The following PACRG variants were observed in gnomAD, a reference collection of about 807,000 sequenced individuals.
PACRG encodes parkin coregulated gene protein.
Under a neutral mutation model 29.7 loss-of-function variants are expected in PACRG, and 29 were observed. The ratio of observed to expected loss-of-function variants is 0.98; its 90% CI spans 0.73 to 1.33. The LOEUF (loss-of-function observed/expected upper bound fraction) is 1.33, where lower values mean the gene tolerates loss of function less well. PACRG is among the 40% of genes most tolerant of loss of function. The pLI is 0.00. For synonymous variants in PACRG, 116 were observed against 118.7 expected, an observed-to-expected ratio of 0.98 and a Z score of 0.15; for missense variants, 279 against 316.2, an observed-to-expected ratio of 0.88 and a Z score of 0.89.
intron 4 of PACRG, among the ~76,000 whole-genome samples, chr6:163,121,041 T>C (rs192631161): frequency 1.3e-5 from 2 of 152,330 alleles, no homozygotes; most frequent in African/African-American, 2.4e-5. Flanking sequence ...CCATTTTCTA[T>C]GGTCAAAGTC....
In PACRG at chr6:162,812,273, A is replaced by G. The variant is rs959041484; in HGVS notation, c.157-1874A>G. On this transcript the variant is annotated intron_variant, in intron 1 of 4. Transcript: ENST00000366888. The stretch of plus-strand genomic sequence containing the variant: ...TCTGTGTGTTATTTCTTACAACTGC[A>G]TATGGATCTATGATTATCTTAACAA... Among the ~76,000 whole-genome samples, 9 of 152,268 alleles carry G rather than the reference A, an allele frequency of 5.9e-5. No individual in the cohort carries two copies. In the East Asian group the frequency reaches 1.7e-3, roughly 29 times the overall value.
At chr6:163,122,490 G>C (rs1026266644) in intron 4 of PACRG, among the ~76,000 whole-genome samples, 6 of 152,152 alleles carry the variant, frequency 3.9e-5, no homozygotes, top group Admixed American at 3.9e-4. Context: ...TAATGGGTGA[G>C]TTCTCACCCT....
intron 2 of PACRG, among the ~76,000 whole-genome samples, chr6:162,912,778 G>T (rs1796395053): frequency 6.6e-6 from 1 of 151,400 alleles, no homozygotes; most frequent in South Asian, 2.1e-4. Flanking sequence ...CACAATGTTG[G>T]CCGGGATGCT....
chr6:162,905,741 G>A (rs1795889787), intron 2 of PACRG, among the ~76,000 whole-genome samples: 1 of 152,154 alleles, frequency 6.6e-6, no homozygotes, highest in Non-Finnish European at 1.5e-5. Context: ...TTGAGCTGTG[G>A]TGGATTGGTG....
chr6:163,180,338 C>A (rs1473206177), intron 4 of PACRG, among the ~76,000 whole-genome samples: 1 of 152,194 alleles, frequency 6.6e-6, no homozygotes, highest in Non-Finnish European at 1.5e-5. Context: ...TATCACGAAG[C>A]CTTCACAAGA....
intron 1 of PACRG, among the ~76,000 whole-genome samples, chr6:162,806,281 T>C (rs1362264097): frequency 6.6e-6 from 1 of 152,006 alleles, no homozygotes; most frequent in Admixed American, 6.6e-5. Context: ...GCTAATTTTG[T>C]ATTTTTAGTA....
Position 162,959,751 on chromosome 6 carries a change from G to A in PACRG, c.292-102399G>A, listed in dbSNP as rs566046479. 2.6e-5 allele frequency among the ~76,000 whole-genome samples: 4 copies of A among 152,236 alleles called. 1 individual carries two copies. The South Asian group carries it at 8.3e-4, about 32-fold the overall frequency. ...TCCAGGAGAGAGATGGTTCTGGCTT[G>A]GACCAAGGTGCAGATGGTACAGATG... is the stretch of plus-strand genomic sequence containing the variant. On this transcript the variant is annotated intron_variant, in intron 2 of 4. Coordinates refer to ENST00000366888, the MANE Select transcript of PACRG (RefSeq NM_001080379.2).
At chr6:163,272,892 CTTTT>C (rs200076248) in intron 4 of PACRG, among the ~76,000 whole-genome samples, 2 of 109,458 alleles carry the variant, frequency 1.8e-5, no homozygotes, top group South Asian at 3.3e-4. Context: ...ATGCATCATT[CTTTT>C]TTTTTTTTTT....
chr6:162,790,535 T>C (rs1784848544), intron 1 of PACRG, among the ~76,000 whole-genome samples: 1 of 151,930 alleles, frequency 6.6e-6, no homozygotes, highest in Non-Finnish European at 1.5e-5. Flanking sequence ...TATATATTGC[T>C]TAGCCATTCC....
chr6:162,927,781 C>T (rs1465386394), intron 2 of PACRG, among the ~76,000 whole-genome samples: 1 of 151,796 alleles, frequency 6.6e-6, no homozygotes, highest in African/African-American at 2.4e-5. Context: ...GCACATGTAT[C>T]CTAGAACTTA....
intron 4 of PACRG, among the ~76,000 whole-genome samples, chr6:163,173,212 T>A (rs1322954476): frequency 6.6e-6 from 1 of 152,224 alleles, no homozygotes; most frequent in Non-Finnish European, 1.5e-5. Flanking sequence ...TGCCATCTCT[T>A]CCATAATAAA....
At chr6:162,927,763 C>G (rs760189409) in intron 2 of PACRG, among the ~76,000 whole-genome samples, 66 of 151,982 alleles carry the variant, frequency 4.3e-4, no homozygotes, top group African/African-American at 1.5e-3. Flanking sequence ...AACAAACCTG[C>G]ACATTCTGCA....
chr6:163,272,846 C>A (rs968725109), intron 4 of PACRG, among the ~76,000 whole-genome samples: 2 of 151,106 alleles, frequency 1.3e-5, no homozygotes, highest in African/African-American at 4.9e-5. Flanking sequence ...TAGTAATGAA[C>A]CATCCTTACA....
At chr6:163,192,176 G>C (rs1780244140) in intron 4 of PACRG, among the ~76,000 whole-genome samples, 1 of 152,182 alleles carries the variant, frequency 6.6e-6, no homozygotes, top group Non-Finnish European at 1.5e-5. Flanking sequence ...CAGGTTGGGA[G>C]AAAATCTGTA....
At chr6:163,038,092 C>A (rs1446703462) in intron 2 of PACRG, among the ~76,000 whole-genome samples, 1 of 152,180 alleles carries the variant, frequency 6.6e-6, no homozygotes, top group Non-Finnish European at 1.5e-5. Flanking sequence ...GTACTGTTAT[C>A]ATTTCCATTT....
chr6:162,810,803 A>G (rs569667952), intron 1 of PACRG, among the ~76,000 whole-genome samples: 4 of 152,312 alleles, frequency 2.6e-5, no homozygotes, highest in Admixed American at 2.6e-4. Context: ...TGGCACTGTA[A>G]CAAAAGATCT....
At chr6:162,968,967 A>AAT (rs375338532) in intron 2 of PACRG, among the ~76,000 whole-genome samples, 2,407 of 143,726 alleles carry the variant, frequency 0.017, 59 homozygotes, top group African/African-American at 0.059. Context: ...GAATCGCTTG[A>AAT]ACCCAGGAAG....
intron 2 of PACRG, among the ~76,000 whole-genome samples, chr6:162,985,699 T>C (rs1802830343): frequency 6.6e-6 from 1 of 152,048 alleles, no homozygotes; most frequent in Non-Finnish European, 1.5e-5. Flanking sequence ...CTGGTATTCC[T>C]AGCCAGAGCA....
intron 4 of PACRG, among the ~76,000 whole-genome samples, chr6:163,192,291 C>G (rs1309920294): frequency 6.6e-6 from 1 of 152,190 alleles, no homozygotes; most frequent in Non-Finnish European, 1.5e-5. Flanking sequence ...TATTTCAGTT[C>G]CCTTGTTGAC....
Sources: allele counts gnomAD v4.1 joint callset (sites outside exome capture counted in the v4.1 genomes callset), GRCh38; gene constraint gnomAD v4.1.1; transcripts MANE v1.5; gene names NCBI Gene and HGNC (gene_info 2026-07-23, HGNC 2026-07-21).